The following DLAT variants were observed in gnomAD, a reference collection of about 807,000 sequenced individuals.
DLAT encodes dihydrolipoyllysine-residue acetyltransferase component of pyruvate dehydrogenase complex, mitochondrial.
In DLAT, 43 loss-of-function variants were observed where a neutral mutation model predicts 68.0. The ratio of observed to expected loss-of-function variants is 0.63; its 90% CI spans 0.50 to 0.81. The LOEUF (loss-of-function observed/expected upper bound fraction) is 0.81. DLAT is among the 40% of genes least tolerant of loss of function. DLAT has a pLI of 0.00. For missense variants in DLAT, 745 were observed against 815.4 expected, an observed-to-expected ratio of 0.91 and a Z score of 1.05; for synonymous variants, 265 against 288.6, an observed-to-expected ratio of 0.92 and a Z score of 0.83.
At chr11:112,029,715 C>A in intron 4 of DLAT, 1 of 362,398 alleles carries the variant, frequency 2.8e-6, no homozygotes, top group Non-Finnish European at 5.3e-6. Context: ...CCAGTACTTC[C>A]AGGGTCTCTT....
chr11:112,041,525 TAG>T, intron 7 of DLAT, among the ~76,000 whole-genome samples: 1 of 152,270 alleles, frequency 6.6e-6, no homozygotes. Context: ...TCATTTTGGA[TAG>T]AGAGACTAGC....
intron 4 of DLAT, 55 bp downstream of exon 4, chr11:112,029,000 T>C: frequency 6.3e-7 from 1 of 1,595,936 alleles, no homozygotes; most frequent in Non-Finnish European, 8.6e-7. Context: ...TACTCACTTT[T>C]TTTCATAGAT....
At chr11:112,049,083 C>T (rs752638810) in intron 10 of DLAT, among the ~76,000 whole-genome samples, 8 of 149,210 alleles carry the variant, frequency 5.4e-5, no homozygotes, top group Non-Finnish European at 1.2e-4. Context: ...GGGTTCATGC[C>T]ATTCTCCTGC....
chr11:112,031,695 T>C (rs1862403522), intron 4 of DLAT, among the ~76,000 whole-genome samples: 1 of 150,234 alleles, frequency 6.7e-6, no homozygotes, highest in Non-Finnish European at 1.5e-5. Context: ...CACCTCAGCC[T>C]CCCAAGACGC....
At chr11:112,028,231 C>T (rs913014368) in intron 2 of DLAT, among the ~76,000 whole-genome samples, 2 of 151,926 alleles carry the variant, frequency 1.3e-5, no homozygotes, top group Non-Finnish European at 2.9e-5. Context: ...CCAGGCTGGC[C>T]AACATGGTGA....
Position 112,033,406 on chromosome 11 carries a change from A to G in DLAT, c.663A>G (p.Val221=). 1.9e-6 allele frequency: 3 copies of G among 1,613,474 alleles called. No individual in the cohort carries two copies. Among genetic ancestry groups the G allele is most frequent in the South Asian group, 1.1e-5 (1 of 90,986 alleles). ...ATAATATGTGTTTGTTTCTGCAGGTACTTCTTCCTGCCCTCTCTCCCACCA... is the reference window on the plus strand; with the variant it reads ...ATAATATGTGTTTGTTTCTGCAGGTGCTTCTTCCTGCCCTCTCTCCCACCA... ...PGSSYPPHMQ[V]LLPALSPTMT... Residue 221 remains valine (V), a splice_region_variant and synonymous_variant, in exon 5 of 14, where the codon GTA becomes GTG. Transcript: ENST00000280346.
In DLAT at chr11:112,045,127, T is replaced by C. The variant is rs1300049210; in HGVS notation, c.1198-11T>C. ...TCACAGTTACTAAGAGCTTTTTCTT[T>C]CCTCCCATAGGCTCCGGCAGCTGTT... On this transcript the variant is annotated splice_polypyrimidine_tract_variant and intron_variant, in intron 8 of 13. Transcript: ENST00000280346. The C allele has an allele frequency of 1.2e-6, 2 of 1,612,082 alleles. No homozygotes were observed. The highest frequency in any genetic ancestry group is 1.7e-5 in the Admixed American group (1 of 59,978).
intron 11 of DLAT, among the ~76,000 whole-genome samples, chr11:112,059,045 A>T (rs1224931437): frequency 6.6e-6 from 1 of 151,032 alleles, no homozygotes; most frequent in Non-Finnish European, 1.5e-5. Flanking sequence ...AAGATCTGAT[A>T]TTGTGTAAAA....
At chr11:112,048,710 T>G (rs1476653739) in intron 10 of DLAT, among the ~76,000 whole-genome samples, 1 of 151,988 alleles carries the variant, frequency 6.6e-6, no homozygotes, top group Non-Finnish European at 1.5e-5. Flanking sequence ...ATTTTTGTAT[T>G]TTTAGTAGGG....
At chr11:112,036,201 GTTTTTTTTTTTTTTTT>G (rs1167345612) in intron 5 of DLAT, among the ~76,000 whole-genome samples, 1 of 36,474 alleles carries the variant, frequency 2.7e-5, no homozygotes, top group South Asian at 1.5e-3. Context: ...GTGTGTGTGT[GTTTTTTTTTTTTTTTT>G]TTTTTTTTTT....
intron 7 of DLAT, 128 bp from the exon 8 acceptor site, chr11:112,043,338 G>A (rs1183174100): frequency 1.5e-5 from 13 of 864,884 alleles, no homozygotes; most frequent in African/African-American, 3.3e-5. Flanking sequence ...GTAGGGTTAA[G>A]GCTGTGAACC....
At chr11:112,027,765 C>T (rs1158181815) in intron 2 of DLAT, among the ~76,000 whole-genome samples, 419 of 133,990 alleles carry the variant, frequency 3.1e-3, no homozygotes, top group Middle Eastern at 7.1e-3. Flanking sequence ...TCAGGCGTGG[C>T]GGCGCGTGCC....
chr11:112,025,900 C>G, intron 1 of DLAT, 149 bp downstream of exon 1: 1 of 1,023,476 alleles, frequency 9.8e-7, no homozygotes, highest in Non-Finnish European at 1.4e-6. Context: ...TTTGCTGTAG[C>G]TCCTTAGTGT....
chr11:112,030,251 C>T (rs1416894306), intron 4 of DLAT: 8 of 571,494 alleles, frequency 1.4e-5, no homozygotes, highest in African/African-American at 9.5e-5. Context: ...AGTTCTCGGT[C>T]GTCTTAGGCA....
At chr11:112,036,165 A>ATGTGTGTGTGTGTGTG (rs797041830) in intron 5 of DLAT, among the ~76,000 whole-genome samples, 12 of 101,838 alleles carry the variant, frequency 1.2e-4, no homozygotes, top group African/African-American at 5.5e-4. Context: ...GTGTGTGTAT[A>ATGTGTGTGTGTGTGTG]TATGTGTGTG....
At chr11:112,030,661 T>G (rs1486903650) in intron 4 of DLAT, among the ~76,000 whole-genome samples, 1 of 152,220 alleles carries the variant, frequency 6.6e-6, no homozygotes, top group Non-Finnish European at 1.5e-5. Flanking sequence ...ACTAAATCAG[T>G]TTCTAAGAAA....
At position 112,064,130 on chromosome 11, in the gene DLAT, G is replaced by A. The variant is rs184244244; in HGVS notation, c.*1595G>A. ...CCAAAAGAAACAAGCTTATCACAAG[G>A]GACCATCATCAATATGATCCAAATC... On this transcript the variant is annotated 3_prime_UTR_variant, in exon 14 of 14. Transcript: ENST00000280346. 4.3e-3 allele frequency: 6,301 copies of A among 1,467,454 alleles called. 23 individuals carry two copies. The highest frequency in any genetic ancestry group is 5.4e-3 in the Non-Finnish European group (5,856 of 1,089,166). 90.9% of individuals were successfully genotyped at this position (1,467,454 alleles called of 1,614,324 possible).
intron 8 of DLAT, 50 bp from the exon 9 acceptor site, chr11:112,045,078 CCAGGTACTTA>C: frequency 1.5e-6 from 2 of 1,330,580 alleles, no homozygotes; most frequent in Non-Finnish European, 2.2e-6. Context: ...GCAGTCTTTC[CCAGGTACTTA>C]CGCTAAGATT....
At chr11:112,041,048 T>A (rs1443984718) in intron 7 of DLAT, among the ~76,000 whole-genome samples, 1 of 152,144 alleles carries the variant, frequency 6.6e-6, no homozygotes, top group African/African-American at 2.4e-5. Context: ...AGATTTCAGT[T>A]TCAGTTGCTT....
Sources: gnomAD v4.1 joint callset for allele counts (sites outside exome capture counted in the v4.1 genomes callset) on GRCh38, gnomAD v4.1.1 for gene constraint, MANE v1.5 for transcripts, NCBI Gene and HGNC (gene_info 2026-07-23, HGNC 2026-07-21) for gene names.